STK32B: variants seen among roughly 807,000 people sequenced by gnomAD.
STK32B encodes serine/threonine-protein kinase 32B.
STK32B carries 43 observed loss-of-function variants against 52.6 expected under a neutral mutation model. The observed-to-expected ratio is 0.82, with a 90% CI of 0.64 to 1.05. STK32B has a LOEUF of 1.05. STK32B is among the 50% of genes least tolerant of loss of function. STK32B has a pLI of 0.00. For missense variants in STK32B, 621 were observed against 534.6 expected (o/e 1.16, Z -1.59); for synonymous variants, 238 against 204.3 (o/e 1.17, Z -1.41).
intron 9 of STK32B, among the ~76,000 whole-genome samples, chr4:5,461,407 G>A (rs541158537): frequency 5.9e-5 from 9 of 152,228 alleles, no homozygotes; most frequent in East Asian, 1.9e-4. Context: ...AAAGACTTCC[G>A]TCACTCCTTT....
At chr4:5,222,898 AG>A (rs1723629579) in intron 3 of STK32B, among the ~76,000 whole-genome samples, 1 of 152,224 alleles carries the variant, frequency 6.6e-6, no homozygotes, top group Non-Finnish European at 1.5e-5. Flanking sequence ...TAAGGCAGCC[AG>A]GTGCTATTCA....
chr4:5,059,419 T>C (rs1742133786), intron 1 of STK32B, among the ~76,000 whole-genome samples: 1 of 152,236 alleles, frequency 6.6e-6, no homozygotes, highest in Admixed American at 6.5e-5. Flanking sequence ...TTATTGTTAA[T>C]GGCAGTTGAA....
intron 3 of STK32B, among the ~76,000 whole-genome samples, chr4:5,173,805 A>G (rs983753463): frequency 2.0e-5 from 3 of 152,230 alleles, no homozygotes; most frequent in Non-Finnish European, 4.4e-5. Flanking sequence ...AGAGTTCTGT[A>G]GATGTCTATT....
chr4:5,264,878 C>G lies in STK32B; in HGVS notation c.261-66342C>G, dbSNP rs370325310. Among the ~76,000 whole-genome samples, 5 of 152,208 alleles carry G rather than the reference C, an allele frequency of 3.3e-5. 1 individual carries two copies. The South Asian group carries it at 6.2e-4, about 19-fold the overall frequency. ...TGAATGTATTTTGTGAATTCTTTAT[C>G]CCAACATATGGCTTGCTTTTTATTT... On this transcript the variant is annotated intron_variant, in intron 3 of 11. Transcript: ENST00000282908.
intron 4 of STK32B, among the ~76,000 whole-genome samples, chr4:5,349,161 C>G (rs1733665582): frequency 6.6e-6 from 1 of 152,136 alleles, no homozygotes; most frequent in South Asian, 2.1e-4. Context: ...AGAAAGCCAC[C>G]TAGAGGTCCA....
intron 3 of STK32B, among the ~76,000 whole-genome samples, chr4:5,196,201 GTA>G (rs1721639701): frequency 1.4e-4 from 22 of 152,120 alleles, no homozygotes; most frequent in Admixed American, 1.4e-3. Flanking sequence ...CGTCTCATGG[GTA>G]GCACAGGTGG....
At chr4:5,171,096 A>C (rs1432689779) in intron 3 of STK32B, among the ~76,000 whole-genome samples, 5 of 152,086 alleles carry the variant, frequency 3.3e-5, no homozygotes, top group Admixed American at 1.3e-4. Context: ...TTGGCTGCAT[A>C]AATGTCTTCT....
intron 1 of STK32B, among the ~76,000 whole-genome samples, chr4:5,087,489 T>C: frequency 6.6e-6 from 1 of 151,912 alleles, no homozygotes; most frequent in Non-Finnish European, 1.5e-5. Flanking sequence ...ACTCTCCAAT[T>C]AAAAGATAGA....
At chr4:5,426,859 G>C (rs559733391) in intron 6 of STK32B, 3 of 151,896 alleles carry the variant, frequency 2.0e-5, no homozygotes, top group Admixed American at 2.0e-4. Context: ...TCTTAAAAGA[G>C]TCTTCTTAAA....
At chr4:5,192,473 C>T (rs1183245577) in intron 3 of STK32B, among the ~76,000 whole-genome samples, 1 of 152,164 alleles carries the variant, frequency 6.6e-6, no homozygotes, top group Non-Finnish European at 1.5e-5. Flanking sequence ...CACACACACG[C>T]TACAGAAAGT....
rs1258359473 is a variant in STK32B at position 5,317,139 on chromosome 4, T to A, written c.261-14081T>A. Among the ~76,000 whole-genome samples the A allele has an allele frequency of 1.1e-4, 7 of 62,754 alleles. 1 individual carries two copies. Among genetic ancestry groups the A allele is most frequent in the African/African-American group, 8.5e-4 (7 of 8,204 alleles). 41.2% of individuals were successfully genotyped at this position (62,754 alleles called of 152,430 possible). A position where few individuals can be genotyped will look rare whatever the true frequency, so the allele number is the denominator to read the frequency against. On this transcript the variant is annotated intron_variant, in intron 3 of 11. Coordinates refer to ENST00000282908, the MANE Select transcript of STK32B (RefSeq NM_018401.3). The stretch of plus-strand genomic sequence containing the variant: ...ATATAATACATTATAATATATAATA[T>A]ATATGTATAATATACATATTACATA...
chr4:5,305,377 G>C (rs76618418), intron 3 of STK32B, among the ~76,000 whole-genome samples: 1 of 151,866 alleles, frequency 6.6e-6, no homozygotes, highest in Admixed American at 6.6e-5. Flanking sequence ...ATGTGTTATC[G>C]ATCTGTTTAG....
chr4:5,134,821 C>T (rs977513766), intron 1 of STK32B, among the ~76,000 whole-genome samples: 4 of 152,190 alleles, frequency 2.6e-5, no homozygotes, highest in Admixed American at 2.6e-4. Flanking sequence ...TGCTTAAATG[C>T]ATGTGTTTGT....
chr4:5,315,682 C>CTTTTTTTTTTTTTT (rs199584251), intron 3 of STK32B, among the ~76,000 whole-genome samples: 1 of 120,496 alleles, frequency 8.3e-6, no homozygotes, highest in African/African-American at 2.9e-5. Context: ...TTTTCTTTTT[C>CTTTTTTTTTTTTTT]TTTTTTTTTT....
intron 1 of STK32B, among the ~76,000 whole-genome samples, chr4:5,087,075 A>G (rs1712770023): frequency 6.6e-6 from 1 of 152,198 alleles, no homozygotes; most frequent in Admixed American, 6.5e-5. Context: ...AATTCTTTTT[A>G]TTCCATGTGT....
At chr4:5,022,329 A>C in the STK32B span, among the ~76,000 whole-genome samples, 1 of 152,296 alleles carries the variant, frequency 6.6e-6, no homozygotes, top group Middle Eastern at 3.4e-3. Context: ...TGTTACTCAG[A>C]GATTAAGGCA....
intron 3 of STK32B, among the ~76,000 whole-genome samples, chr4:5,170,987 A>G (rs1437855328): frequency 6.6e-6 from 1 of 152,156 alleles, no homozygotes; most frequent in Non-Finnish European, 1.5e-5. Context: ...TGACTTTTTA[A>G]TGATCTCCAT....
intron 1 of STK32B, among the ~76,000 whole-genome samples, chr4:5,073,806 C>A (rs1711916902): frequency 6.6e-6 from 1 of 151,880 alleles, no homozygotes; most frequent in South Asian, 2.1e-4. Flanking sequence ...ATTCCATTAT[C>A]TCCTTGACTT....
At chr4:5,264,715 A>T (rs1577264446) in intron 3 of STK32B, among the ~76,000 whole-genome samples, 3 of 152,184 alleles carry the variant, frequency 2.0e-5, no homozygotes, top group Non-Finnish European at 4.4e-5. Context: ...TGAACCCAGG[A>T]GGCGGAGCTT....
Sources: gnomAD v4.1 joint callset for allele counts (sites outside exome capture counted in the v4.1 genomes callset) on GRCh38, gnomAD v4.1.1 for gene constraint, MANE v1.5 for transcripts, NCBI Gene and HGNC (gene_info 2026-07-23, HGNC 2026-07-21) for gene names.